Variants in KCNIP4 observed in about 807,000 individuals in gnomAD.
The protein encoded by KCNIP4 is Kv channel-interacting protein 4.
A neutral mutation model predicts 34.0 loss-of-function variants in KCNIP4; 12 were observed. The observed-to-expected ratio is 0.35, with a 90% CI of 0.23 to 0.57. The LOEUF (loss-of-function observed/expected upper bound fraction) is 0.57, where lower values mean the gene tolerates loss of function less well. Among genes scored for constraint, KCNIP4 ranks in the 20% least tolerant of loss-of-function variants. The pLI is 0.83. For missense variants in KCNIP4, 238 were observed against 311.7 expected (o/e 0.76, Z 1.78); for synonymous variants, 124 against 102.2 (o/e 1.21, Z -1.29).
At chr4:20,923,503 G>A (rs1316201305) in intron 1 of KCNIP4, among the ~76,000 whole-genome samples, 1 of 152,096 alleles carries the variant, frequency 6.6e-6, no homozygotes, top group African/African-American at 2.4e-5. Context: ...CACAGAAAAA[G>A]CTCATTGATA....
chr4:20,963,164 T>C (rs1352644645), intron 1 of KCNIP4, among the ~76,000 whole-genome samples: 1 of 147,040 alleles, frequency 6.8e-6, no homozygotes, highest in Non-Finnish European at 1.5e-5. Flanking sequence ...TTACTAAAAA[T>C]ACAAAAAAAA....
Position 21,589,421 on chromosome 4 carries a change from G to A in KCNIP4, c.61+359150C>T, listed in dbSNP as rs138982392. Among the ~76,000 whole-genome samples, 969 of 150,272 alleles carry A rather than the reference G, an allele frequency of 6.4e-3. 18 individuals are homozygous for A. The highest frequency in any genetic ancestry group is 0.022 in the African/African-American group (902 of 41,012). On this transcript the variant is annotated intron_variant, in intron 1 of 8. Transcript: ENST00000382152. ...ATAGTAAGGCAAGGGTTCTAGAGAAGGTAATAGCTAAGCTGAGCCTTAAAG... is the reference window on the plus strand; with the variant it reads ...ATAGTAAGGCAAGGGTTCTAGAGAAAGTAATAGCTAAGCTGAGCCTTAAAG...
At chr4:21,900,320 G>A (rs886904045) in intron 1 of KCNIP4, among the ~76,000 whole-genome samples, 10 of 152,166 alleles carry the variant, frequency 6.6e-5, no homozygotes, top group Admixed American at 1.3e-4. Flanking sequence ...CATGTAAATA[G>A]AAAACCAGAG....
chr4:21,704,689 C>T (rs1239267374), intron 1 of KCNIP4, among the ~76,000 whole-genome samples: 1 of 152,054 alleles, frequency 6.6e-6, no homozygotes, highest in African/African-American at 2.4e-5. Context: ...GAATGGCTAA[C>T]ATAAAATCAA....
chr4:21,597,581 C>G (rs2109111019), intron 1 of KCNIP4, among the ~76,000 whole-genome samples: 1 of 152,242 alleles, frequency 6.6e-6, no homozygotes, highest in East Asian at 1.9e-4. Context: ...AAGCCACTTT[C>G]CTTCAGTTCA....
chr4:20,939,211 C>G lies in KCNIP4; in HGVS notation c.62-56502G>C, dbSNP rs188013954. On this transcript the variant is annotated intron_variant, in intron 1 of 8. Coordinates refer to ENST00000382152, the MANE Select transcript of KCNIP4 (RefSeq NM_025221.6). ...TCATTATATCATCCTTGATCTCACT[C>G]CATAGGTTTCCTGGAGCTATTGCTT... Among the ~76,000 whole-genome samples the G allele has an allele frequency of 4.9e-3, 740 of 152,214 alleles. 3 individuals carry two copies. Among genetic ancestry groups the G allele is most frequent in the Admixed American group, 8.8e-3 (135 of 15,282 alleles).
chr4:21,829,635 A>G (rs1215603828), intron 1 of KCNIP4, among the ~76,000 whole-genome samples: 1 of 152,124 alleles, frequency 6.6e-6, no homozygotes, highest in East Asian at 1.9e-4. Context: ...AGCCTGTTAC[A>G]AAATGTTGTA....
intron 1 of KCNIP4, among the ~76,000 whole-genome samples, chr4:21,833,073 C>G (rs2109308061): frequency 6.7e-6 from 1 of 150,216 alleles, no homozygotes; most frequent in Middle Eastern, 3.4e-3. Flanking sequence ...GTCTTTATAG[C>G]AGCATGATTT....
chr4:21,580,697 G>A (rs6843837), intron 1 of KCNIP4, among the ~76,000 whole-genome samples: 9,930 of 151,900 alleles, frequency 0.065, 479 homozygotes, highest in African/African-American at 0.13. Context: ...CACATTTAAC[G>A]CACACCATTA....
chr4:21,032,606 T>A (rs1202265762), intron 1 of KCNIP4, among the ~76,000 whole-genome samples: 2 of 152,010 alleles, frequency 1.3e-5, no homozygotes, highest in African/African-American at 4.8e-5. Context: ...AGAAAAAAAA[T>A]TGCTGCCTCA....
intron 1 of KCNIP4, chr4:21,613,575 G>A (rs757896117): frequency 1.3e-5 from 2 of 152,088 alleles, no homozygotes; most frequent in Non-Finnish European, 2.9e-5. Flanking sequence ...GATACTAAAT[G>A]CCTATTGTTG....
At chr4:21,518,547 G>T (rs1409575262) in intron 1 of KCNIP4, among the ~76,000 whole-genome samples, 1 of 152,054 alleles carries the variant, frequency 6.6e-6, no homozygotes, top group Non-Finnish European at 1.5e-5. Flanking sequence ...ACTCAGGGAG[G>T]CCTGAGGACA....
At chr4:21,369,366 G>T (rs1720103520) in intron 1 of KCNIP4, among the ~76,000 whole-genome samples, 1 of 147,050 alleles carries the variant, frequency 6.8e-6, no homozygotes. Flanking sequence ...GTTTAGTAGG[G>T]ACTTTACACA....
At chr4:21,118,889 T>C (rs1749909274) in intron 1 of KCNIP4, among the ~76,000 whole-genome samples, 2 of 152,122 alleles carry the variant, frequency 1.3e-5, no homozygotes, top group South Asian at 4.1e-4. Context: ...ACAGTGGCAT[T>C]TGAATAAGAA....
rs900453110 is a variant in KCNIP4, at chr4:21,304,101, G to C, written c.62-421392C>G. The stretch of plus-strand genomic sequence containing the variant: ...AGAGAGAGAGACAGAGAGAGAGAGA[G>C]AGAGAGACAGAGGAGAGAGAGGGAG... On this transcript the variant is annotated intron_variant, in intron 1 of 8. Transcript: ENST00000382152. 3.2e-3 allele frequency: 1,749 copies of C among 541,050 alleles called. 32 individuals carry two copies. Among genetic ancestry groups the C allele is most frequent in the African/African-American group, 0.031 (1,320 of 43,114 alleles). 33.5% of individuals were successfully genotyped at this position (541,050 alleles called of 1,614,324 possible). A position where few individuals can be genotyped will look rare whatever the true frequency, so the allele number is the denominator to read the frequency against.
intron 1 of KCNIP4, among the ~76,000 whole-genome samples, chr4:21,503,172 T>C (rs981269908): frequency 1.1e-4 from 16 of 152,156 alleles, no homozygotes; most frequent in Non-Finnish European, 2.4e-4. Flanking sequence ...TAAGGCAAAA[T>C]GAAAACTGAG....
chr4:21,002,443 G>A (rs1738215941), intron 1 of KCNIP4, among the ~76,000 whole-genome samples: 2 of 152,200 alleles, frequency 1.3e-5, no homozygotes, highest in Admixed American at 1.3e-4. Flanking sequence ...CCATTCACTG[G>A]CAGTGCTGAA....
intron 1 of KCNIP4, among the ~76,000 whole-genome samples, chr4:21,001,288 A>T (rs978618896): frequency 1.3e-5 from 2 of 152,256 alleles, no homozygotes; most frequent in African/African-American, 2.4e-5. Flanking sequence ...GGGAGAAAAC[A>T]CTATGAAATT....
chr4:21,017,152 T>C (rs1417714405), intron 1 of KCNIP4, among the ~76,000 whole-genome samples: 1 of 152,208 alleles, frequency 6.6e-6, no homozygotes, highest in Non-Finnish European at 1.5e-5. Context: ...TAAGTTCATC[T>C]TCATCCAAAG....
Sources: allele counts gnomAD v4.1 joint callset (sites outside exome capture counted in the v4.1 genomes callset), GRCh38; gene constraint gnomAD v4.1.1; transcripts MANE v1.5; gene names NCBI Gene and HGNC (gene_info 2026-07-23, HGNC 2026-07-21).